The following TDRD10 variants were observed in gnomAD, a reference collection of about 807,000 sequenced individuals.
TDRD10 encodes the protein tudor domain-containing protein 10.
A neutral mutation model predicts 48.0 loss-of-function variants in TDRD10; 40 were observed. That is an observed-to-expected ratio of 0.83 (90% CI 0.65 to 1.09). TDRD10 has a LOEUF of 1.09. Among genes scored for constraint, TDRD10 ranks in the 50% least tolerant of loss-of-function variants. The pLI is 0.00. For missense variants in TDRD10, 378 were observed against 434.7 expected (o/e 0.87, Z 1.16); for synonymous variants, 162 against 170.4 (o/e 0.95, Z 0.38).
intron 1 of TDRD10, among the ~76,000 whole-genome samples, chr1:154,504,033 T>C (rs1693004116): frequency 1.3e-5 from 2 of 152,214 alleles, no homozygotes; most frequent in Admixed American, 1.3e-4. Flanking sequence ...CAGTCACTCC[T>C]CATTTCCCTC....
At chr1:154,536,273 G>C (rs990088277) in intron 6 of TDRD10, among the ~76,000 whole-genome samples, 1 of 152,198 alleles carries the variant, frequency 6.6e-6, no homozygotes, top group African/African-American at 2.4e-5. Flanking sequence ...CTACTCAGGA[G>C]GGTGAGGCAG....
chr1:154,539,382 A>G (rs942300914), intron 6 of TDRD10, among the ~76,000 whole-genome samples: 1 of 151,756 alleles, frequency 6.6e-6, no homozygotes, highest in Admixed American at 6.6e-5. Flanking sequence ...GCTCACTGCA[A>G]CCTCCGCCTC....
At chr1:154,534,895 G>A (rs527694847) in intron 6 of TDRD10, among the ~76,000 whole-genome samples, 1 of 152,310 alleles carries the variant, frequency 6.6e-6, no homozygotes, top group South Asian at 2.1e-4. Context: ...TCCCATGGGT[G>A]AAGGATGTGA....
chr1:154,521,541 CTT>C (rs1233545217), intron 6 of TDRD10, 62 bp downstream of exon 6: 1 of 1,568,530 alleles, frequency 6.4e-7, no homozygotes, highest in African/African-American at 1.4e-5. Flanking sequence ...GCGTGGCTGA[CTT>C]TGCTTTCAGT....
intron 11 of TDRD10, among the ~76,000 whole-genome samples, 197 bp downstream of exon 11, chr1:154,545,146 C>T (rs1695479180): frequency 6.6e-6 from 1 of 152,110 alleles, no homozygotes; most frequent in African/African-American, 2.4e-5. Context: ...GGATCTGGAG[C>T]CCAAGATCCC....
intron 6 of TDRD10, among the ~76,000 whole-genome samples, chr1:154,531,072 C>T (rs930962073): frequency 3.9e-5 from 6 of 152,016 alleles, no homozygotes; most frequent in African/African-American, 1.5e-4. Context: ...AACTCCTGAC[C>T]TCAAGTGATC....
intron 6 of TDRD10, among the ~76,000 whole-genome samples, chr1:154,535,078 T>C (rs1463148817): frequency 6.6e-6 from 1 of 152,044 alleles, no homozygotes; most frequent in Non-Finnish European, 1.5e-5. Context: ...TTCAGGAAAA[T>C]AATATCCAAG....
chr1:154,529,753 C>T (rs1694508208), intron 6 of TDRD10, among the ~76,000 whole-genome samples: 1 of 152,046 alleles, frequency 6.6e-6, no homozygotes, highest in African/African-American at 2.4e-5. Flanking sequence ...CTATGTTGGC[C>T]AGGCTGGTCT....
intron 6 of TDRD10, among the ~76,000 whole-genome samples, chr1:154,522,164 G>GT (rs1279726829): frequency 6.6e-6 from 1 of 152,178 alleles, no homozygotes; most frequent in Admixed American, 6.5e-5. Flanking sequence ...AAGTCAGGAG[G>GT]TAGGGAGTCC....
intron 1 of TDRD10, among the ~76,000 whole-genome samples, chr1:154,504,940 T>C (rs1693057470): frequency 3.9e-5 from 6 of 152,070 alleles, no homozygotes; most frequent in Admixed American, 2.0e-4. Flanking sequence ...TGAGCCGAGA[T>C]CGTACCATTG....
chr1:154,530,335 GT>G (rs1003866109), intron 6 of TDRD10, among the ~76,000 whole-genome samples: 4 of 144,760 alleles, frequency 2.8e-5, no homozygotes, highest in Non-Finnish European at 4.6e-5. Flanking sequence ...TAGATAAACA[GT>G]TTTTTTTTTC....
chr1:154,543,866 C>T, intron 8 of TDRD10, 97 bp from the exon 9 acceptor site: 4 of 1,536,200 alleles, frequency 2.6e-6, no homozygotes, highest in Non-Finnish European at 3.5e-6. Flanking sequence ...ATCCCCCAGG[C>T]AGTTCAGCCT....
chr1:154,528,964 T>C (rs1694461132), intron 6 of TDRD10, among the ~76,000 whole-genome samples: 1 of 152,256 alleles, frequency 6.6e-6, no homozygotes, highest in African/African-American at 2.4e-5. Flanking sequence ...TTGTTGGTTT[T>C]ATCAGTTTGA....
chr1:154,529,787 C>T (rs370410089), intron 6 of TDRD10, among the ~76,000 whole-genome samples: 7 of 150,738 alleles, frequency 4.6e-5, no homozygotes, highest in African/African-American at 7.3e-5. Flanking sequence ...TCAGGTGATC[C>T]GCCTGTCTTG....
intron 6 of TDRD10, among the ~76,000 whole-genome samples, chr1:154,532,142 C>T (rs552482565): frequency 1.3e-5 from 2 of 152,282 alleles, no homozygotes; most frequent in East Asian, 3.9e-4. Flanking sequence ...GAGCAGGGGG[C>T]GTTGCTCATC....
At chr1:154,528,895 A>G (rs996057038) in intron 6 of TDRD10, among the ~76,000 whole-genome samples, 1 of 152,222 alleles carries the variant, frequency 6.6e-6, no homozygotes, top group Non-Finnish European at 1.5e-5. Context: ...ATACCTTTTT[A>G]AATAGTTGTG....
chr1:154,510,299 A>G (rs1022484437), intron 4 of TDRD10, among the ~76,000 whole-genome samples: 12 of 152,074 alleles, frequency 7.9e-5, no homozygotes, highest in Middle Eastern at 3.4e-3. Context: ...AACTGTCAAG[A>G]ACTGTGAAAT....
intron 6 of TDRD10, among the ~76,000 whole-genome samples, chr1:154,529,491 A>C (rs897596676): frequency 6.6e-6 from 1 of 152,048 alleles, no homozygotes; most frequent in Non-Finnish European, 1.5e-5. Flanking sequence ...GTAATAGCAG[A>C]AACCGCAATA....
At position 154,544,536 on chromosome 1, in the gene TDRD10, G is replaced by A. The variant is rs1476635934; in HGVS notation, c.797+19G>A. 1.2e-6 allele frequency: 2 copies of A among 1,611,386 alleles called. No individual in the cohort carries two copies. Among genetic ancestry groups the A allele is most frequent in the East Asian group, 4.5e-5 (2 of 44,782 alleles). On this transcript the variant is annotated intron_variant, in intron 10 of 12. Coordinates refer to ENST00000368482, the MANE Select transcript of TDRD10 (RefSeq NM_182499.4). ...GGAACAGGTGTGTGCCTGGGCAGGG[G>A]TAGAGTCTATGGGAGAGGCGTGCAG... is the stretch of plus-strand genomic sequence containing the variant.
Sources: gnomAD v4.1 joint callset for allele counts (sites outside exome capture counted in the v4.1 genomes callset) on GRCh38, gnomAD v4.1.1 for gene constraint, MANE v1.5 for transcripts, NCBI Gene and HGNC (gene_info 2026-07-23, HGNC 2026-07-21) for gene names.